FGGY: variants seen among roughly 807,000 people sequenced by gnomAD.
The protein encoded by FGGY is FGGY carbohydrate kinase domain containing.
Under a neutral mutation model 71.3 loss-of-function variants are expected in FGGY, and 72 were observed. The ratio of observed to expected loss-of-function variants is 1.01; its 90% CI spans 0.84 to 1.23. FGGY has a LOEUF of 1.23. Among genes scored for constraint, FGGY ranks in the 50% most tolerant of loss-of-function variants. The pLI is 0.00. For missense variants in FGGY, 668 were observed against 682.3 expected (o/e 0.98, Z 0.23); for synonymous variants, 251 against 250.3 (o/e 1.00, Z -0.02).
At chr1:59,662,810 T>C (rs1225222084) in intron 12 of FGGY, among the ~76,000 whole-genome samples, 1 of 152,216 alleles carries the variant, frequency 6.6e-6, no homozygotes, top group Non-Finnish European at 1.5e-5. Flanking sequence ...GGAAGTACAC[T>C]CTATGATGTT....
At chr1:59,425,270 T>C (rs1329046691) in intron 5 of FGGY, among the ~76,000 whole-genome samples, 2 of 152,358 alleles carry the variant, frequency 1.3e-5, no homozygotes, top group Non-Finnish European at 2.9e-5. Context: ...TAAATTTGCA[T>C]GATTATTATA....
At chr1:59,405,391 T>C (rs1455205983) in intron 5 of FGGY, among the ~76,000 whole-genome samples, 1 of 152,226 alleles carries the variant, frequency 6.6e-6, no homozygotes, top group Non-Finnish European at 1.5e-5. Context: ...TGGTTGGAAG[T>C]TGAAGAATCT....
At chr1:59,403,446 G>A (rs988374175) in intron 5 of FGGY, among the ~76,000 whole-genome samples, 1 of 152,124 alleles carries the variant, frequency 6.6e-6, no homozygotes. Context: ...AGTATAATTA[G>A]CACCATAACA....
At position 59,338,923 on chromosome 1, in the gene FGGY, A is replaced by G. The variant is rs929211539; in HGVS notation, c.202-1035A>G. Among the ~76,000 whole-genome samples the G allele has an allele frequency of 4.6e-5, 7 of 152,310 alleles. No individual in the cohort carries two copies. In the East Asian group the frequency reaches 9.7e-4, roughly 21 times the overall value. On this transcript the variant is annotated intron_variant, in intron 2 of 15. Coordinates refer to ENST00000303721, the MANE Select transcript of FGGY (RefSeq NM_018291.5). ...TCTCCAAGAAGGTCCACTTCTGCAT[A>G]TATTGCCACTACCATATACAGGTTA... is the stretch of plus-strand genomic sequence containing the variant.
At chr1:59,721,145 C>A (rs1448055589) in intron 14 of FGGY, among the ~76,000 whole-genome samples, 1 of 152,120 alleles carries the variant, frequency 6.6e-6, no homozygotes, top group Non-Finnish European at 1.5e-5. Context: ...TTCTCTGTCC[C>A]CCTTGCCCTA....
At chr1:59,638,731 A>T (rs1004625699) in intron 11 of FGGY, among the ~76,000 whole-genome samples, 12 of 152,346 alleles carry the variant, frequency 7.9e-5, no homozygotes, top group Non-Finnish European at 1.5e-4. Context: ...AGTAGTAAAT[A>T]TTACCACCCA....
intron 2 of FGGY, among the ~76,000 whole-genome samples, chr1:59,329,367 T>A (rs1360811867): frequency 6.6e-6 from 1 of 152,246 alleles, no homozygotes; most frequent in African/African-American, 2.4e-5. Context: ...GCTAATGAAG[T>A]GAGCACATGC....
chr1:59,384,059 C>A (rs2059796064), intron 5 of FGGY, among the ~76,000 whole-genome samples: 2 of 152,142 alleles, frequency 1.3e-5, no homozygotes, highest in Non-Finnish European at 2.9e-5. Context: ...TCAGAACATG[C>A]TTGGGGGCTT....
At chr1:59,654,765 A>G (rs74504034) in intron 11 of FGGY, among the ~76,000 whole-genome samples, 11,309 of 152,248 alleles carry the variant, frequency 0.074, 482 homozygotes, top group Non-Finnish European at 0.099. Flanking sequence ...CAGTAAATCT[A>G]GAGTAGGATC....
intron 8 of FGGY, among the ~76,000 whole-genome samples, chr1:59,597,109 T>C (rs2096532325): frequency 6.6e-6 from 1 of 152,244 alleles, no homozygotes. Flanking sequence ...TCTCATTTTC[T>C]ATCTGGCCAG....
chr1:59,418,495 GA>G (rs74672608), intron 5 of FGGY, among the ~76,000 whole-genome samples: 100 of 147,914 alleles, frequency 6.8e-4, no homozygotes, highest in Admixed American at 4.0e-3. Flanking sequence ...AAGGAGGAAA[GA>G]AAAAAAAAAG....
intron 6 of FGGY, among the ~76,000 whole-genome samples, chr1:59,464,138 G>T (rs892989908): frequency 6.6e-6 from 1 of 152,216 alleles, no homozygotes; most frequent in East Asian, 1.9e-4. Context: ...CCGCAAATAT[G>T]AAAGAACAGA....
rs41287704 is a variant in FGGY at position 59,638,377 on chromosome 1, T to C, written c.1221+2T>C. ...GCAGATCTGACACTAAAGGGCATGG[T>C]AAGTAACAGCTAGTCCTTGCACATG... is the stretch of plus-strand genomic sequence containing the variant. On this transcript the variant is annotated splice_donor_variant, in intron 11 of 15. Transcript: ENST00000303721. LOFTEE classifies it high-confidence loss of function. 5,918 of 1,614,124 alleles carry C rather than the reference T, an allele frequency of 3.7e-3. 13 individuals are homozygous for C. The highest frequency in any genetic ancestry group is 4.3e-3 in the Non-Finnish European group (5,092 of 1,180,008).
intron 8 of FGGY, among the ~76,000 whole-genome samples, chr1:59,565,122 A>G (rs907837958): frequency 1.3e-5 from 2 of 152,152 alleles, no homozygotes; most frequent in African/African-American, 4.8e-5. Flanking sequence ...AGCAATGACA[A>G]TAACAGCTAA....
chr1:59,472,364 C>A (rs950369085), intron 6 of FGGY, among the ~76,000 whole-genome samples: 8 of 152,212 alleles, frequency 5.3e-5, no homozygotes, highest in African/African-American at 1.9e-4. Context: ...GCCTGAGCCT[C>A]CCCCTGTTCC....
chr1:59,657,110 G>A (rs2097225848), intron 11 of FGGY, among the ~76,000 whole-genome samples: 1 of 152,078 alleles, frequency 6.6e-6, no homozygotes, highest in Non-Finnish European at 1.5e-5. Flanking sequence ...TCTCTCTTAT[G>A]GATTCTTACT....
intron 1 of FGGY, among the ~76,000 whole-genome samples, chr1:59,317,763 G>A (rs1435693531): frequency 6.6e-6 from 1 of 152,200 alleles, no homozygotes; most frequent in African/African-American, 2.4e-5. Context: ...TGGGAAAAGT[G>A]GTGAACCTGA....
chr1:59,324,343 C>A (rs2153140371), intron 2 of FGGY, among the ~76,000 whole-genome samples: 1 of 119,598 alleles, frequency 8.4e-6, no homozygotes, highest in African/African-American at 3.2e-5. Context: ...GTGGCGGGAT[C>A]TCGGCTCACT....
In FGGY at chr1:59,488,970, A is replaced by G. The variant is rs148614237; in HGVS notation, c.671-23341A>G. Among the ~76,000 whole-genome samples the G allele has an allele frequency of 4.7e-3, 713 of 152,122 alleles. 5 individuals are homozygous for G. Among genetic ancestry groups the G allele is most frequent in the African/African-American group, 0.016 (649 of 41,536 alleles). On this transcript the variant is annotated intron_variant, in intron 6 of 15. Coordinates refer to ENST00000303721, the MANE Select transcript of FGGY (RefSeq NM_018291.5). ...GCATGTCCTTTCTGTTTTAATTTCT[A>G]TCTTATTAACTCTTAGTGAGGTTGA...
Sources: allele counts gnomAD v4.1 joint callset (sites outside exome capture counted in the v4.1 genomes callset), GRCh38; gene constraint gnomAD v4.1.1; transcripts MANE v1.5; gene names NCBI Gene and HGNC (gene_info 2026-07-23, HGNC 2026-07-21).